The following STX17 variants were observed in gnomAD, a reference collection of about 807,000 sequenced individuals.
STX17 encodes syntaxin 17, also known as syntaxin-17.
A neutral mutation model predicts 35.9 loss-of-function variants in STX17; 29 were observed. That is an observed-to-expected ratio of 0.81 (90% CI 0.60 to 1.10). STX17 has a LOEUF of 1.10. Ranked by LOEUF, STX17 falls within the 50% of genes least tolerant of loss-of-function variation. STX17 has a pLI of 0.00. For synonymous variants in STX17, 92 were observed against 118.3 expected, an observed-to-expected ratio of 0.78 and a Z score of 1.44; for missense variants, 312 against 352.3, an observed-to-expected ratio of 0.89 and a Z score of 0.92.
Position 99,973,936 on chromosome 9 carries a change from A to G in STX17, c.*5263A>G, listed in dbSNP as rs1039709936. On this transcript the variant is annotated 3_prime_UTR_variant, in exon 8 of 8. Transcript: ENST00000259400. Reference sequence around the variant, plus strand: ...ACAAGAGTGATTTTAAGGTTTTTCTATGGTGAAGGTTCAAACTGGTAATAA... The same window carrying G: ...ACAAGAGTGATTTTAAGGTTTTTCTGTGGTGAAGGTTCAAACTGGTAATAA... Among the ~76,000 whole-genome samples, 13 of 152,214 alleles carry G rather than the reference A, an allele frequency of 8.5e-5. No individual in the cohort carries two copies. Among genetic ancestry groups the G allele is most frequent in the African/African-American group, 3.1e-4 (13 of 41,460 alleles).
rs1331131728 is a variant in STX17, at chr9:99,969,553, A to G, written c.*880A>G. 6.6e-6 allele frequency: 1 copy of G among 152,406 alleles called. No homozygotes were observed. Among genetic ancestry groups the G allele is most frequent in the Non-Finnish European group, 1.5e-5 (1 of 68,040 alleles). 9.4% of individuals were successfully genotyped at this position (152,406 alleles called of 1,614,324 possible). ...ATAACCTCTAGGTAAAAAGAAAAGA[A>G]AAAAAGAAATTTCGAGATATTTTCA... On this transcript the variant is annotated 3_prime_UTR_variant, in exon 8 of 8. Coordinates refer to ENST00000259400, the MANE Select transcript of STX17 (RefSeq NM_017919.3).
chr9:99,959,944 C>A lies in STX17; in HGVS notation c.443C>A (p.Ala148Asp). 6.2e-7 allele frequency: 1 copy of A among 1,613,548 alleles called. No individual in the cohort carries two copies. The change falls in exon 5 of 8, where the codon GCT becomes GAT. Residue 148 changes from alanine (A) to aspartate (D), a missense_variant. By Grantham distance (126) the Ala-to-Asp change is moderately radical. Transcript: ENST00000259400. ...GCATTTCATACTACTGAAGCTGAAG[C>A]TAGTTCTCAGAGTTTGACTCAGATA... The part of the protein sequence containing the change: ...GGAFHTTEAE[A>D]SSQSLTQIYA...
At chr9:99,914,821 T>A (rs1447398920) in intron 1 of STX17, among the ~76,000 whole-genome samples, 2 of 152,182 alleles carry the variant, frequency 1.3e-5, no homozygotes, top group Non-Finnish European at 2.9e-5. Flanking sequence ...TACTCCTAGC[T>A]TTTTTAAAAG....
intron 3 of STX17, chr9:99,945,761 T>C (rs897009007): frequency 2.2e-5 from 9 of 400,278 alleles, no homozygotes; most frequent in Non-Finnish European, 4.5e-5. Flanking sequence ...TTTCATCAAC[T>C]GTGGAACAAA....
At chr9:99,911,636 TGTA>T (rs1262205467) in intron 1 of STX17, among the ~76,000 whole-genome samples, 3 of 152,138 alleles carry the variant, frequency 2.0e-5, no homozygotes, top group Non-Finnish European at 2.9e-5. Context: ...TAGGCTGTAG[TGTA>T]GTAGTAAGAA....
At chr9:99,928,200 A>G (rs1228875895) in intron 2 of STX17, among the ~76,000 whole-genome samples, 1 of 152,130 alleles carries the variant, frequency 6.6e-6, no homozygotes, top group African/African-American at 2.4e-5. Flanking sequence ...CTATCAAATG[A>G]AAAAATTCCC....
intron 4 of STX17, among the ~76,000 whole-genome samples, chr9:99,951,507 A>G (rs916900261): frequency 6.6e-6 from 1 of 152,020 alleles, no homozygotes; most frequent in African/African-American, 2.4e-5. Flanking sequence ...GACTTCAGGG[A>G]AAGTACCCGT....
chr9:99,965,891 A>G (rs1829903097), intron 6 of STX17, among the ~76,000 whole-genome samples: 1 of 152,192 alleles, frequency 6.6e-6, no homozygotes, highest in Non-Finnish European at 1.5e-5. Context: ...CTTCAACTCT[A>G]TGAAGGTATA....
At chr9:99,919,570 T>C (rs1828851783) in intron 2 of STX17, among the ~76,000 whole-genome samples, 1 of 152,238 alleles carries the variant, frequency 6.6e-6, no homozygotes, top group African/African-American at 2.4e-5. Context: ...TGATGTCTTC[T>C]ATTCTCATTC....
At chr9:99,931,679 A>C (rs996320180) in intron 3 of STX17, among the ~76,000 whole-genome samples, 1 of 152,150 alleles carries the variant, frequency 6.6e-6, no homozygotes, top group Non-Finnish European at 1.5e-5. Flanking sequence ...GGTTCTTTGT[A>C]GAAAAAATTT....
intron 3 of STX17, among the ~76,000 whole-genome samples, chr9:99,947,894 A>G (rs909395512): frequency 6.6e-6 from 1 of 151,332 alleles, no homozygotes; most frequent in African/African-American, 2.4e-5. Context: ...TCTTTGCCCA[A>G]TTCTTGTCCT....
chr9:99,907,267 GACTTT>G (rs1828570605), intron 1 of STX17: 1 of 152,332 alleles, frequency 6.6e-6, no homozygotes, highest in Middle Eastern at 3.4e-3. Flanking sequence ...TCAGAGAGGA[GACTTT>G]ACTTTGACTT....
intron 3 of STX17, among the ~76,000 whole-genome samples, chr9:99,931,595 C>G (rs1429728760): frequency 1.3e-5 from 2 of 151,634 alleles, no homozygotes; most frequent in Non-Finnish European, 2.9e-5. Context: ...TGGCTGCTTT[C>G]ACACGGTAAC....
intron 6 of STX17, among the ~76,000 whole-genome samples, chr9:99,962,475 T>C (rs1342495769): frequency 6.6e-6 from 1 of 152,238 alleles, no homozygotes; most frequent in Non-Finnish European, 1.5e-5. Flanking sequence ...CATTGGTCTG[T>C]ACACATAAAA....
At chr9:99,927,856 T>A (rs1201352800) in intron 2 of STX17, among the ~76,000 whole-genome samples, 1 of 152,216 alleles carries the variant, frequency 6.6e-6, no homozygotes, top group Non-Finnish European at 1.5e-5. Flanking sequence ...AAAGAAGTTT[T>A]TGCTACATCA....
chr9:99,917,951 C>G (rs1034437162), intron 2 of STX17, among the ~76,000 whole-genome samples: 1 of 152,124 alleles, frequency 6.6e-6, no homozygotes, highest in Non-Finnish European at 1.5e-5. Flanking sequence ...AGTGGCTGCT[C>G]AGCAATCATC....
At chr9:99,913,101 A>G (rs1049780664) in intron 1 of STX17, among the ~76,000 whole-genome samples, 4 of 152,028 alleles carry the variant, frequency 2.6e-5, no homozygotes, top group South Asian at 2.1e-4. Context: ...TCAGTCTTTT[A>G]TGTCTCATTT....
chr9:99,912,491 G>A (rs1354028404), intron 1 of STX17, among the ~76,000 whole-genome samples: 1 of 152,038 alleles, frequency 6.6e-6, no homozygotes, highest in African/African-American at 2.4e-5. Flanking sequence ...TGAGTTGTTT[G>A]AGTTTCTCAT....
chr9:99,965,586 G>A (rs1055900006), intron 6 of STX17, among the ~76,000 whole-genome samples: 2 of 151,998 alleles, frequency 1.3e-5, no homozygotes, highest in African/African-American at 2.4e-5. Flanking sequence ...ACAATGATAG[G>A]GTGTCAGAAA....
Sources: allele counts gnomAD v4.1 joint callset (sites outside exome capture counted in the v4.1 genomes callset), GRCh38; gene constraint gnomAD v4.1.1; transcripts MANE v1.5; gene names NCBI Gene and HGNC (gene_info 2026-07-23, HGNC 2026-07-21).